Variants in ANXA2 observed in about 807,000 individuals in gnomAD.
The protein encoded by ANXA2 is annexin II.
In ANXA2, 28 loss-of-function variants were observed where a neutral mutation model predicts 47.3. The ratio of observed to expected loss-of-function variants is 0.59; its 90% CI spans 0.44 to 0.81. The LOEUF (loss-of-function observed/expected upper bound fraction) is 0.81. Among genes scored for constraint, ANXA2 ranks in the 40% least tolerant of loss-of-function variants. ANXA2 has a pLI of 0.00. For missense variants in ANXA2, 384 were observed against 414.3 expected (o/e 0.93, Z 0.64); for synonymous variants, 172 against 155.5 (o/e 1.11, Z -0.79).
chr15:60,386,012 A>G lies in ANXA2; in HGVS notation c.48+16T>C, dbSNP rs2062928522. ...CAACTTGCAAAAATTATATAAAGTG[A>G]AAGTGATATACTTACATCACCCTCC... is the stretch of plus-strand genomic sequence containing the variant. On this transcript the variant is annotated intron_variant, in intron 2 of 12. Transcript: ENST00000451270. The G allele has an allele frequency of 1.3e-6, 2 of 1,595,688 alleles. No homozygotes were observed. Among genetic ancestry groups the G allele is most frequent in the Middle Eastern group, 1.7e-4 (1 of 6,010 alleles).
Position 60,349,404 on chromosome 15 carries a change from C to G in ANXA2, c.838-207G>C, listed in dbSNP as rs143254382. The stretch of plus-strand genomic sequence containing the variant: ...GTTTCATGCACAAAATTATCAAAAG[C>G]GTTGTATAAAATTACCTTTAGGCTA... On this transcript the variant is annotated intron_variant, in intron 11 of 12. Coordinates refer to ENST00000451270, the MANE Select transcript of ANXA2 (RefSeq NM_004039.3). 5.3e-3 allele frequency among the ~76,000 whole-genome samples: 811 copies of G among 152,138 alleles called. 10 individuals carry two copies. The highest frequency in any genetic ancestry group is 0.019 in the African/African-American group (785 of 41,508).
intron 10 of ANXA2, 141 bp downstream of exon 10, chr15:60,351,583 T>G: frequency 1.5e-6 from 1 of 667,528 alleles, no homozygotes; most frequent in Non-Finnish European, 2.7e-6. Context: ...TTCTGAAATC[T>G]ATACAATTAA....
intron 11 of ANXA2, among the ~76,000 whole-genome samples, chr15:60,350,802 T>C (rs568535087): frequency 3.3e-4 from 51 of 152,272 alleles, no homozygotes; most frequent in African/African-American, 1.2e-3. Context: ...TGTTATGCAA[T>C]GATTTAAGGT....
chr15:60,355,110 G>A (rs2062407387), intron 7 of ANXA2, among the ~76,000 whole-genome samples: 1 of 152,150 alleles, frequency 6.6e-6, no homozygotes, highest in South Asian at 2.1e-4. Flanking sequence ...AGCTGAGCGG[G>A]AAAGATGAGC....
At chr15:60,392,967 A>G in intron 1 of ANXA2, 1 of 1,101,970 alleles carries the variant, frequency 9.1e-7, no homozygotes, top group South Asian at 1.8e-5. Flanking sequence ...AAAAAAATGT[A>G]CTGGGTGAGG....
In ANXA2 at chr15:60,371,715, G is replaced by A. The variant is rs968643120; in HGVS notation, c.149-7192C>T. Among the ~76,000 whole-genome samples the A allele has an allele frequency of 3.3e-5, 5 of 152,286 alleles. 1 individual carries two copies. The highest frequency in any genetic ancestry group is 9.6e-5 in the African/African-American group (4 of 41,556). ...TATGGGGAAGACCACGACTTGACTT[G>A]ACTAAGATTACTGAGCATACCAGTA... On this transcript the variant is annotated intron_variant, in intron 3 of 12. Coordinates refer to ENST00000451270, the MANE Select transcript of ANXA2 (RefSeq NM_004039.3).
At chr15:60,359,476 T>C (rs1372120190) in intron 5 of ANXA2, among the ~76,000 whole-genome samples, 1 of 152,226 alleles carries the variant, frequency 6.6e-6, no homozygotes, top group African/African-American at 2.4e-5. Flanking sequence ...GTCGACATTT[T>C]ATCATTCTTA....
chr15:60,350,939 CA>C (rs1386027635), intron 11 of ANXA2, among the ~76,000 whole-genome samples: 1 of 152,184 alleles, frequency 6.6e-6, no homozygotes, highest in African/African-American at 2.4e-5. Flanking sequence ...ACACGACTAC[CA>C]TGTCGCATTT....
At chr15:60,360,403 G>A (rs1811878531) in intron 5 of ANXA2, among the ~76,000 whole-genome samples, 1 of 152,168 alleles carries the variant, frequency 6.6e-6, no homozygotes, top group South Asian at 2.1e-4. Flanking sequence ...AAGATAACGT[G>A]CATTGAGACT....
Position 60,364,532 on chromosome 15 carries a change from A to C in ANXA2, c.149-9T>G. 2.5e-6 allele frequency: 4 copies of C among 1,604,056 alleles called. No individual in the cohort carries two copies. Among genetic ancestry groups the C allele is most frequent in the Non-Finnish European group, 3.4e-6 (4 of 1,176,328 alleles). ...GGTGACCTCATCCACACCTATGGAA[A>C]TACAAGTTGTTAATCGTTACTCAGT... On this transcript the variant is annotated splice_polypyrimidine_tract_variant and intron_variant, in intron 3 of 12. Coordinates refer to ENST00000451270, the MANE Select transcript of ANXA2 (RefSeq NM_004039.3).
chr15:60,393,562 CTGGACTG>C (rs1366803013), intron 1 of ANXA2: 1 of 985,396 alleles, frequency 1.0e-6, no homozygotes, highest in African/African-American at 1.7e-5. Flanking sequence ...GAAGAGTTAA[CTGGACTG>C]TTAACTCTTC....
chr15:60,355,564 A>G, intron 7 of ANXA2: 1 of 361,198 alleles, frequency 2.8e-6, no homozygotes, highest in Non-Finnish European at 5.3e-6. Flanking sequence ...GCAGTGAAAA[A>G]GAAACCAGAA....
intron 5 of ANXA2, among the ~76,000 whole-genome samples, chr15:60,360,414 TCA>T (rs1214727196): frequency 6.6e-6 from 1 of 152,208 alleles, no homozygotes. Flanking sequence ...CATTGAGACT[TCA>T]CAGTTACTTT....
At chr15:60,369,238 G>A (rs1162727642) in intron 3 of ANXA2, among the ~76,000 whole-genome samples, 30 of 152,228 alleles carry the variant, frequency 2.0e-4, no homozygotes, top group Admixed American at 2.0e-3. Flanking sequence ...CCCACAAAGT[G>A]GACGTGTGCC....
chr15:60,354,035 T>C (rs2062387404), intron 8 of ANXA2, 119 bp downstream of exon 8: 1 of 708,716 alleles, frequency 1.4e-6, no homozygotes, highest in South Asian at 2.3e-5. Flanking sequence ...ATAATACATG[T>C]TTGTTGTTTT....
chr15:60,373,822 C>G (rs2062741490), intron 3 of ANXA2, among the ~76,000 whole-genome samples: 2 of 152,242 alleles, frequency 1.3e-5, no homozygotes, highest in South Asian at 4.1e-4. Flanking sequence ...CATTCAGCTT[C>G]TCTGTCACAA....
Position 60,393,038 on chromosome 15 carries a change from CT to C in ANXA2, c.-12+4904del, listed in dbSNP as rs1051568540. On this transcript the variant is annotated intron_variant, in intron 1 of 12. Transcript: ENST00000451270. The stretch of plus-strand genomic sequence containing the variant: ...CTACTGCATCTTTATTTATCAGAAC[CT>C]TTTTGAAAGCAGATATTCTTCTCCT... The C allele has an allele frequency of 2.3e-5, 29 of 1,286,258 alleles. No individual in the cohort carries two copies. The African/African-American group carries it at 3.7e-4, about 16-fold the overall frequency. The allele number at this position is 1,286,258 out of a possible 1,614,324, so 79.7% of individuals were successfully genotyped here.
chr15:60,385,768 C>T, intron 2 of ANXA2: 1 of 405,456 alleles, frequency 2.5e-6, no homozygotes, highest in Admixed American at 4.2e-5. Context: ...CTAAGTATGG[C>T]AGAATAAAAT....
chr15:60,351,305 C>T, intron 10 of ANXA2, 54 bp from the exon 11 acceptor site: 10 of 1,552,122 alleles, frequency 6.4e-6, no homozygotes, highest in Non-Finnish European at 8.9e-6. Context: ...CTCTCCTCTA[C>T]CAATGAGAGA....
Sources: gnomAD v4.1 joint callset for allele counts (sites outside exome capture counted in the v4.1 genomes callset) on GRCh38, gnomAD v4.1.1 for gene constraint, MANE v1.5 for transcripts, NCBI Gene and HGNC (gene_info 2026-07-23, HGNC 2026-07-21) for gene names.